Variants in SLC8A1 observed in about 807,000 individuals in gnomAD.
The protein encoded by SLC8A1 is sodium/calcium exchanger 1.
SLC8A1 carries 18 observed loss-of-function variants against 68.3 expected under a neutral mutation model. The observed-to-expected ratio is 0.26, with a 90% CI of 0.18 to 0.39. The LOEUF is 0.39. SLC8A1 is among the 10% of genes least tolerant of loss of function. The pLI is 1.00. For missense variants in SLC8A1, 985 were observed against 1,156.7 expected, an observed-to-expected ratio of 0.85 and a Z score of 2.15; for synonymous variants, 475 against 415.5, an observed-to-expected ratio of 1.14 and a Z score of -1.74.
chr2:40,147,655 CTGTT>C (rs1256925367), intron 6 of SLC8A1, among the ~76,000 whole-genome samples: 5 of 152,176 alleles, frequency 3.3e-5, no homozygotes, highest in Admixed American at 6.6e-5. Flanking sequence ...CGTGAAGCAA[CTGTT>C]TGGGCAGTGA....
intron 2 of SLC8A1, among the ~76,000 whole-genome samples, chr2:40,318,179 A>C (rs72943129): frequency 0.053 from 8,120 of 152,168 alleles, 688 homozygotes; most frequent in African/African-American, 0.19. Flanking sequence ...GTAAAAACAA[A>C]AAGTCATAAT....
At chr2:40,364,288 G>C (rs960121709) in intron 2 of SLC8A1, among the ~76,000 whole-genome samples, 1 of 151,884 alleles carries the variant, frequency 6.6e-6, no homozygotes, top group Non-Finnish European at 1.5e-5. Flanking sequence ...AAGAAAAATA[G>C]CTCTTAAGCC....
intron 2 of SLC8A1, among the ~76,000 whole-genome samples, chr2:40,402,232 C>T (rs1017714994): frequency 6.6e-6 from 1 of 152,122 alleles, no homozygotes; most frequent in African/African-American, 2.4e-5. Flanking sequence ...TGCTAAAAGA[C>T]ACTCCCACCA....
chr2:40,438,705 C>T (rs140632703), intron 1 of SLC8A1, among the ~76,000 whole-genome samples: 40 of 152,272 alleles, frequency 2.6e-4, no homozygotes, highest in African/African-American at 8.7e-4. Flanking sequence ...AGCAATGATT[C>T]TCCAACTTCA....
At chr2:40,450,670 T>G (rs1702276665) in intron 1 of SLC8A1, among the ~76,000 whole-genome samples, 1 of 152,182 alleles carries the variant, frequency 6.6e-6, no homozygotes, top group Admixed American at 6.5e-5. Context: ...CTCTTTTTAG[T>G]CTTTACACCT....
intron 7 of SLC8A1, among the ~76,000 whole-genome samples, chr2:40,126,551 C>T (rs2038137113): frequency 6.6e-6 from 1 of 152,030 alleles, no homozygotes. Context: ...TAATTCAAAG[C>T]CATTATTTGA....
At position 40,432,419 on chromosome 2, in the gene SLC8A1, GTGTGTA is replaced by G. The variant is rs1241402568; in HGVS notation, c.-24-2121_-24-2116del. On this transcript the variant is annotated intron_variant, in intron 1 of 7. Transcript: ENST00000406785. ...TGTGAGATTGTGTGTGTGTGTGTGT[GTGTGTA>G]TGTGTCAGTGTGTATACACGTGGGA... Among the ~76,000 whole-genome samples the G allele has an allele frequency of 5.1e-4, 74 of 145,370 alleles. 1 individual carries two copies. Among genetic ancestry groups the G allele is most frequent in the African/African-American group, 1.7e-3 (67 of 38,638 alleles).
chr2:40,337,159 C>T (rs759225095), intron 2 of SLC8A1, among the ~76,000 whole-genome samples: 4 of 152,094 alleles, frequency 2.6e-5, no homozygotes, highest in African/African-American at 2.4e-5. Flanking sequence ...CCATAGTTTA[C>T]AGTGCTGTGT....
chr2:40,500,795 C>CTTTTTTTTTTTTTTT (rs1191619172), intron 1 of SLC8A1, among the ~76,000 whole-genome samples: 2 of 37,230 alleles, frequency 5.4e-5, no homozygotes, highest in Admixed American at 4.8e-4. Flanking sequence ...TATCATCTGA[C>CTTTTTTTTTTTTTTT]TTTTTTTTTT....
rs141592216 is a variant in SLC8A1 at position 40,484,568 on chromosome 2, G to A, written c.-25+27781C>T. On this transcript the variant is annotated intron_variant, in intron 1 of 7. Transcript: ENST00000402441. ...CCTGTTGCTATCACCCGAATCTAAC[G>A]CGAGGGGCTTTGAAATTTGAGAGGC... is the stretch of plus-strand genomic sequence containing the variant. 3.8e-3 allele frequency among the ~76,000 whole-genome samples: 578 copies of A among 152,282 alleles called. 3 individuals carry two copies. Among genetic ancestry groups the A allele is most frequent in the African/African-American group, 0.013 (554 of 41,556 alleles).
chr2:40,289,404 G>A (rs1478930651), intron 2 of SLC8A1, among the ~76,000 whole-genome samples: 3 of 152,158 alleles, frequency 2.0e-5, no homozygotes, highest in Middle Eastern at 6.8e-3. Context: ...TGAGAGAAAC[G>A]AAAAGAAACC....
exon 8 of SLC8A1, chr2:40,111,529 T>C (rs372424767): frequency 3.3e-5 from 5 of 152,222 alleles, no homozygotes; most frequent in African/African-American, 1.2e-4. Context: ...CATTTACTTG[T>C]ACATGTGGAC....
In SLC8A1 at chr2:40,394,097, A is replaced by G. The variant is rs141370344; in HGVS notation, c.1808+34376T>C. On this transcript the variant is annotated intron_variant, in intron 2 of 7. Coordinates refer to ENST00000406785, the Ensembl canonical transcript of SLC8A1. ...GGAATGCTGCTAAACATCCTACAGT[A>G]GTGCACAGGACAGCCCCCCACAAAG... is the stretch of plus-strand genomic sequence containing the variant. 3.6e-3 allele frequency among the ~76,000 whole-genome samples: 554 copies of G among 152,198 alleles called. 18 individuals carry two copies. The highest frequency in any genetic ancestry group is 8.5e-4 in the Non-Finnish European group (58 of 68,010).
chr2:40,461,731 T>C (rs985994625), intron 1 of SLC8A1, among the ~76,000 whole-genome samples: 3 of 152,198 alleles, frequency 2.0e-5, no homozygotes, highest in Non-Finnish European at 4.4e-5. Flanking sequence ...TTTGATCATA[T>C]ATATTCAGAA....
chr2:40,267,289 G>A (rs565275178), intron 2 of SLC8A1, among the ~76,000 whole-genome samples: 1 of 152,178 alleles, frequency 6.6e-6, no homozygotes, highest in South Asian at 2.1e-4. Flanking sequence ...TCATTTATAA[G>A]TAACACAGGG....
At chr2:40,460,070 A>C (rs1027735428) in intron 1 of SLC8A1, among the ~76,000 whole-genome samples, 5 of 152,148 alleles carry the variant, frequency 3.3e-5, no homozygotes, top group Non-Finnish European at 5.9e-5. Flanking sequence ...ACTTCTTTTC[A>C]CGTCTACTTG....
At chr2:40,326,726 C>A (rs546344072) in intron 2 of SLC8A1, among the ~76,000 whole-genome samples, 1 of 152,202 alleles carries the variant, frequency 6.6e-6, no homozygotes, top group African/African-American at 2.4e-5. Context: ...TGGTTCTTGA[C>A]AGCCTAGTAA....
intron 2 of SLC8A1, among the ~76,000 whole-genome samples, chr2:40,324,066 C>A (rs1362432010): frequency 6.6e-6 from 1 of 151,160 alleles, no homozygotes; most frequent in South Asian, 2.1e-4. Context: ...ATGTGTAAAC[C>A]AAGATTGTCT....
intron 1 of SLC8A1, among the ~76,000 whole-genome samples, chr2:40,469,028 T>C (rs1448505133): frequency 3.9e-5 from 6 of 152,166 alleles, no homozygotes; most frequent in Non-Finnish European, 7.4e-5. Flanking sequence ...ATTTCATAAG[T>C]GCAAAAATAT....
Sources: allele counts gnomAD v4.1 joint callset (sites outside exome capture counted in the v4.1 genomes callset), GRCh38; gene constraint gnomAD v4.1.1; transcripts MANE v1.5; gene names NCBI Gene and HGNC (gene_info 2026-07-23, HGNC 2026-07-21).